The following GPBP1L1 variants were observed in gnomAD, a reference collection of about 807,000 sequenced individuals.
GPBP1L1 encodes the protein vasculin-like protein 1.
In GPBP1L1, 23 loss-of-function variants were observed where a neutral mutation model predicts 52.5. The ratio of observed to expected loss-of-function variants is 0.44; its 90% CI spans 0.32 to 0.62. The LOEUF (loss-of-function observed/expected upper bound fraction) is 0.62. Among genes scored for constraint, GPBP1L1 ranks in the 20% least tolerant of loss-of-function variants. The probability of loss-of-function intolerance (pLI) is 0.06; values close to 1 mark genes in which losing one functional copy is unlikely to be tolerated. For synonymous variants in GPBP1L1, 243 were observed against 203.1 expected (o/e 1.20, Z -1.67); for missense variants, 596 against 579.3 (o/e 1.03, Z -0.30).
intron 4 of GPBP1L1, among the ~76,000 whole-genome samples, chr1:45,657,145 AG>A (rs1403261362): frequency 6.6e-6 from 1 of 152,200 alleles, no homozygotes; most frequent in Non-Finnish European, 1.5e-5. Flanking sequence ...CTTCTCTGAT[AG>A]ATCTATATAC....
In GPBP1L1 at chr1:45,628,414, G is replaced by A; in HGVS notation, c.1273-6C>T. 1 of 1,613,252 alleles carries A rather than the reference G, an allele frequency of 6.2e-7. No homozygotes were observed. Among genetic ancestry groups the A allele is most frequent in the Middle Eastern group, 1.7e-4 (1 of 6,058 alleles). ...CCAAAGCCATTTCTTCTCAGCTATG[G>A]TTAGCATGGGAGAGAAAGAAAAAAG... On this transcript the variant is annotated splice_polypyrimidine_tract_variant and splice_region_variant and intron_variant, in intron 12 of 12. Coordinates refer to ENST00000355105, the MANE Select transcript of GPBP1L1 (RefSeq NM_021639.5).
intron 2 of GPBP1L1, among the ~76,000 whole-genome samples, chr1:45,675,497 AT>A (rs1470683614): frequency 1.3e-5 from 2 of 151,928 alleles, no homozygotes; most frequent in Admixed American, 6.6e-5. Flanking sequence ...ATAAATGGTA[AT>A]TTTTTAAAGG....
At chr1:45,670,700 A>G (rs973448534) in intron 2 of GPBP1L1, among the ~76,000 whole-genome samples, 2 of 151,922 alleles carry the variant, frequency 1.3e-5, no homozygotes, top group Non-Finnish European at 2.9e-5. Context: ...CAGCTCTATC[A>G]TAAATTGTTT....
chr1:45,663,017 C>T (rs1049873548), intron 2 of GPBP1L1, among the ~76,000 whole-genome samples: 1 of 137,670 alleles, frequency 7.3e-6, no homozygotes, highest in Admixed American at 8.3e-5. Context: ...CACCAATGCA[C>T]TCCAGCCTGG....
intron 2 of GPBP1L1, among the ~76,000 whole-genome samples, chr1:45,677,031 AC>A (rs1187559337): frequency 6.6e-6 from 1 of 151,892 alleles, no homozygotes; most frequent in Non-Finnish European, 1.5e-5. Flanking sequence ...CCAAAAAAAA[AC>A]AAAACAAAGC....
chr1:45,685,737 C>T (rs999747869), intron 1 of GPBP1L1, 117 bp from the exon 2 acceptor site: 1 of 152,204 alleles, frequency 6.6e-6, no homozygotes, highest in Non-Finnish European at 1.5e-5. Context: ...CCCCAAGCTA[C>T]AGCCATTTTG....
chr1:45,630,657 A>T, intron 10 of GPBP1L1, 51 bp from the exon 11 acceptor site: 1 of 1,593,294 alleles, frequency 6.3e-7, no homozygotes, highest in Non-Finnish European at 8.6e-7. Flanking sequence ...CCTTTGTAGT[A>T]ATATAAGCAA....
chr1:45,630,623 G>A lies in GPBP1L1; in HGVS notation c.1045-17C>T. The A allele has an allele frequency of 2.5e-6, 4 of 1,613,470 alleles. No individual in the cohort carries two copies. Among genetic ancestry groups the A allele is most frequent in the Non-Finnish European group, 3.4e-6 (4 of 1,179,666 alleles). On this transcript the variant is annotated splice_polypyrimidine_tract_variant and intron_variant, in intron 10 of 12. Coordinates refer to ENST00000355105, the MANE Select transcript of GPBP1L1 (RefSeq NM_021639.5). ...GTCCTCCAACTGCAATAAGGAAAAGGAAGGACACAGTTGGTTTAAGGTTCC... is the reference window on the plus strand; with the variant it reads ...GTCCTCCAACTGCAATAAGGAAAAGAAAGGACACAGTTGGTTTAAGGTTCC...
chr1:45,637,967 TGAA>T lies in GPBP1L1; in HGVS notation c.744+2240_744+2242del, dbSNP rs1015741887. Among the ~76,000 whole-genome samples, 2 of 152,364 alleles carry T rather than the reference TGAA, an allele frequency of 1.3e-5. 1 individual carries two copies. The highest frequency in any genetic ancestry group is 4.1e-4 in the South Asian group (2 of 4,832). On this transcript the variant is annotated intron_variant, in intron 8 of 12. Coordinates refer to ENST00000355105, the MANE Select transcript of GPBP1L1 (RefSeq NM_021639.5). ...AAGAAACTTGCTCAAGGACGTAAGA[TGAA>T]GAAGGTGTAAGGTGAAATCTGTCTA...
Position 45,628,245 on chromosome 1 carries a change from C to T in GPBP1L1, c.*11G>A. On this transcript the variant is annotated 3_prime_UTR_variant, in exon 13 of 13. Transcript: ENST00000355105. ...TTACTGGGTCAGATTTAACTGTGAG[C>T]ATTTATATGCCTACTTCCAGGCATC... is the stretch of plus-strand genomic sequence containing the variant. The T allele has an allele frequency of 6.2e-7, 1 of 1,613,004 alleles. No homozygotes were observed. The highest frequency in any genetic ancestry group is 2.2e-5 in the East Asian group (1 of 44,884).
chr1:45,659,896 G>A (rs1644928624), intron 3 of GPBP1L1, among the ~76,000 whole-genome samples: 1 of 152,092 alleles, frequency 6.6e-6, no homozygotes, highest in Admixed American at 6.5e-5. Context: ...AGCTGAGATT[G>A]CACCACTGCA....
At position 45,630,513 on chromosome 1, in the gene GPBP1L1, C is replaced by G; in HGVS notation, c.1138G>C (p.Val380Leu). ...TCTGCTTCTAGAGAGTGTGAGAGAA[C>G]CTCCCCTTCTTCCACTACAGGGAGG... ...LALPVVEEGE[V>L]LSHSLEAEHR... The change falls in exon 11 of 13, where the codon GTT (valine) becomes CTT (leucine). Residue 380 changes from valine (V) to leucine (L), a missense_variant. Coordinates refer to ENST00000355105, the MANE Select transcript of GPBP1L1 (RefSeq NM_021639.5). The G allele has an allele frequency of 6.2e-7, 1 of 1,613,942 alleles. No individual in the cohort carries two copies. Among genetic ancestry groups the G allele is most frequent in the South Asian group, 1.1e-5 (1 of 91,072 alleles).
intron 6 of GPBP1L1, among the ~76,000 whole-genome samples, chr1:45,648,344 A>C (rs1644778324): frequency 6.6e-6 from 1 of 152,132 alleles, no homozygotes; most frequent in Admixed American, 6.5e-5. Flanking sequence ...AACTTTCTCT[A>C]TTCAAACTAC....
At chr1:45,667,450 C>T (rs1645024388) in intron 2 of GPBP1L1, among the ~76,000 whole-genome samples, 1 of 152,132 alleles carries the variant, frequency 6.6e-6, no homozygotes, top group Non-Finnish European at 1.5e-5. Context: ...ACAACATGAC[C>T]TAATTTTATA....
At chr1:45,663,050 C>CAAAAAAAAA (rs66502921) in intron 2 of GPBP1L1, among the ~76,000 whole-genome samples, 7 of 117,194 alleles carry the variant, frequency 6.0e-5, no homozygotes, top group East Asian at 5.2e-4. Flanking sequence ...GACTCTGTCT[C>CAAAAAAAAA]AAAAAAAAAA....
intron 6 of GPBP1L1, among the ~76,000 whole-genome samples, chr1:45,648,631 G>A (rs1380798865): frequency 3.3e-5 from 5 of 152,170 alleles, no homozygotes; most frequent in African/African-American, 9.7e-5. Flanking sequence ...ATCCCTTTAC[G>A]GGTATGTGGG....
At chr1:45,636,368 G>A (rs1247250020) in intron 8 of GPBP1L1, among the ~76,000 whole-genome samples, 1 of 152,136 alleles carries the variant, frequency 6.6e-6, no homozygotes, top group African/African-American at 2.4e-5. Context: ...ATTAGAAAAA[G>A]CAATTACTTA....
chr1:45,657,201 C>A (rs144181155), intron 4 of GPBP1L1, among the ~76,000 whole-genome samples: 1 of 152,044 alleles, frequency 6.6e-6, no homozygotes, highest in Non-Finnish European at 1.5e-5. Flanking sequence ...CAGATTAGGC[C>A]AATTATGAGG....
At chr1:45,639,880 AAAAAC>A (rs991771904) in intron 8 of GPBP1L1, among the ~76,000 whole-genome samples, 7 of 151,982 alleles carry the variant, frequency 4.6e-5, no homozygotes, top group African/African-American at 7.2e-5. Flanking sequence ...TCCATCTCAA[AAAAAC>A]AAAACAAAAC....
Sources: gnomAD v4.1 joint callset for allele counts (sites outside exome capture counted in the v4.1 genomes callset) on GRCh38, gnomAD v4.1.1 for gene constraint, MANE v1.5 for transcripts, NCBI Gene and HGNC (gene_info 2026-07-23, HGNC 2026-07-21) for gene names.